Variants in TNS1 observed in about 807,000 individuals in gnomAD.
TNS1 encodes tensin-1.
Under a neutral mutation model 168.6 loss-of-function variants are expected in TNS1, and 62 were observed. The observed-to-expected ratio is 0.37, with a 90% confidence interval of 0.30 to 0.45. The LOEUF (loss-of-function observed/expected upper bound fraction) is 0.45, where lower values mean the gene tolerates loss of function less well. TNS1 is among the 20% of genes least tolerant of loss of function. The probability of loss-of-function intolerance (pLI) is 1.00; values close to 1 mark genes in which losing one functional copy is unlikely to be tolerated. For missense variants in TNS1, 2,240 were observed against 2,339.4 expected (o/e 0.96, Z 0.88); for synonymous variants, 934 against 933.2 (o/e 1.00, Z -0.02).
intron 3 of TNS1, among the ~76,000 whole-genome samples, chr2:217,977,489 C>A (rs1957924689): frequency 6.6e-6 from 1 of 152,206 alleles, no homozygotes; most frequent in Non-Finnish European, 1.5e-5. Context: ...AGATTCTTCC[C>A]AGACCTGCTT....
intron 30 of TNS1, among the ~76,000 whole-genome samples, chr2:217,809,472 GATGGATGGATGGATGGATGC>G (rs1940248116): frequency 5.9e-5 from 3 of 51,236 alleles, no homozygotes; most frequent in Non-Finnish European, 3.7e-5. Flanking sequence ...TGGATGGATG[GATGGATGGATGGATGGATGC>G]ATGGATGGAT....
At chr2:217,806,775 C>A (rs1338577593) in intron 32 of TNS1, among the ~76,000 whole-genome samples, 1 of 152,240 alleles carries the variant, frequency 6.6e-6, no homozygotes, top group Non-Finnish European at 1.5e-5. Context: ...TCACTAGCCT[C>A]CTCCTGCCTC....
intron 6 of TNS1, chr2:217,905,502 G>T (rs1054970647): frequency 6.5e-6 from 2 of 309,326 alleles, no homozygotes; most frequent in African/African-American, 2.2e-5. Flanking sequence ...CTCCCTCCAG[G>T]GCCCTCCCCA....
intron 12 of TNS1, among the ~76,000 whole-genome samples, chr2:217,888,421 A>G (rs536247789): frequency 1.5e-4 from 23 of 152,230 alleles, no homozygotes; most frequent in African/African-American, 4.3e-4. Flanking sequence ...ACCCATCCAC[A>G]AGCAGAGGCA....
intron 18 of TNS1, among the ~76,000 whole-genome samples, chr2:217,853,457 T>C (rs1947773694): frequency 6.6e-6 from 1 of 152,080 alleles, no homozygotes; most frequent in Non-Finnish European, 1.5e-5. Flanking sequence ...CTGTGGGCAT[T>C]GTCACGGGTG....
chr2:218,014,295 A>C (rs1958737273), upstream of TNS1, among the ~76,000 whole-genome samples: 2 of 152,022 alleles, frequency 1.3e-5, no homozygotes, highest in Middle Eastern at 3.4e-3. Flanking sequence ...CTGCAGGCCC[A>C]CCTCTCCCCC....
intron 3 of TNS1, among the ~76,000 whole-genome samples, chr2:217,959,384 G>A (rs923879106): frequency 2.0e-5 from 3 of 152,104 alleles, no homozygotes; most frequent in African/African-American, 7.2e-5. Context: ...ATCTTAGCAT[G>A]GAACCTGGTG....
At position 217,948,471 on chromosome 2, in the gene TNS1, GC is replaced by G. The variant is rs1037828519; in HGVS notation, c.187-28236del. Among the ~76,000 whole-genome samples, 1 of 152,158 alleles carries G rather than the reference GC, an allele frequency of 6.6e-6. No homozygotes were observed. The highest frequency in any genetic ancestry group is 1.5e-5 in the Non-Finnish European group (1 of 68,020). On this transcript the variant is annotated intron_variant, in intron 3 of 32. Transcript: ENST00000682258. This position sits in a 1 kb window ranked among gnomAD's most constrained non-coding sequence, Gnocchi z 4.1. ...CTAGGCCCAACACACCCCATAGGGA[GC>G]CAGGCCCCAGGGGCCACTCTAGGCA... is the stretch of plus-strand genomic sequence containing the variant.
chr2:217,998,251 C>T (rs1188369595), intron 1 of TNS1, among the ~76,000 whole-genome samples: 6 of 149,162 alleles, frequency 4.0e-5, no homozygotes, highest in African/African-American at 9.8e-5. Context: ...CTCTCCTGAG[C>T]GAGATGAGTT....
At chr2:217,936,071 A>T (rs1956591119) in intron 3 of TNS1, among the ~76,000 whole-genome samples, 1 of 152,168 alleles carries the variant, frequency 6.6e-6, no homozygotes, top group South Asian at 2.1e-4. Context: ...GACACTCAAC[A>T]TTCCATCTAG....
intron 4 of TNS1, among the ~76,000 whole-genome samples, chr2:217,908,086 A>T (rs913783536): frequency 1.8e-4 from 27 of 152,170 alleles, no homozygotes; most frequent in Non-Finnish European, 3.7e-4. Context: ...TGTGATTCTT[A>T]TTCCACCTTC....
At chr2:217,954,531 G>C (rs946651683) in intron 3 of TNS1, among the ~76,000 whole-genome samples, 1 of 152,162 alleles carries the variant, frequency 6.6e-6, no homozygotes, top group African/African-American at 2.4e-5. Context: ...ACAGGAAACC[G>C]AGCTTTGAAG....
intron 21 of TNS1, among the ~76,000 whole-genome samples, chr2:217,833,156 C>T (rs553053182): frequency 7.9e-5 from 12 of 152,336 alleles, no homozygotes; most frequent in African/African-American, 2.2e-4. Flanking sequence ...CCCACAGGTA[C>T]GCGCATGTTT....
At chr2:217,920,562 G>GTTTTTTTTTTT in intron 3 of TNS1, among the ~76,000 whole-genome samples, 1 of 134,616 alleles carries the variant, frequency 7.4e-6, no homozygotes, top group Non-Finnish European at 1.5e-5. Context: ...TAAGAAGAAG[G>GTTTTTTTTTTT]ATTTTTTTTT....
chr2:217,890,805 C>T (rs1951668777), intron 12 of TNS1, 157 bp downstream of exon 12: 4 of 725,168 alleles, frequency 5.5e-6, no homozygotes, highest in Non-Finnish European at 9.2e-6. Context: ...TCCTGTGTGC[C>T]TGAGCTCACA....
At chr2:217,997,729 G>C (rs1281999562) in intron 1 of TNS1, among the ~76,000 whole-genome samples, 1 of 152,214 alleles carries the variant, frequency 6.6e-6, no homozygotes. Context: ...ACCTCCCATA[G>C]GCTGTTGTGA....
intron 18 of TNS1, chr2:217,859,563 G>T: frequency 7.4e-7 from 1 of 1,348,386 alleles, no homozygotes; most frequent in Non-Finnish European, 1.0e-6. Context: ...GCAAAGCTTT[G>T]GATTCTGGCT....
intron 11 of TNS1, among the ~76,000 whole-genome samples, chr2:217,892,420 ATAAC>A (rs934604957): frequency 6.6e-6 from 1 of 152,224 alleles, no homozygotes; most frequent in African/African-American, 2.4e-5. Context: ...TGTTGAGTGA[ATAAC>A]AAAACGAATG....
rs370981812 is a variant in TNS1 at position 217,957,534 on chromosome 2, G to T, written c.186+21231C>A. 2.8e-4 allele frequency among the ~76,000 whole-genome samples: 42 copies of T among 152,248 alleles called. No individual in the cohort carries two copies. The East Asian group carries it at 3.7e-3, about 13-fold the overall frequency. ...TCACCAATTGGCCGGTGAAGATGGT[G>T]GCAATGATATATGTCAATATATGAT... On this transcript the variant is annotated intron_variant, in intron 3 of 32. Transcript: ENST00000682258.
Sources: allele counts gnomAD v4.1 joint callset (sites outside exome capture counted in the v4.1 genomes callset), GRCh38; gene constraint gnomAD v4.1.1; non-coding constraint Gnocchi (gnomAD v3.1); transcripts MANE v1.5; gene names NCBI Gene and HGNC (gene_info 2026-07-23, HGNC 2026-07-21).